Variants in CTNND2 observed in about 807,000 individuals in gnomAD.
CTNND2 encodes catenin delta 2, also known as catenin delta-2.
CTNND2 carries 22 observed loss-of-function variants against 144.4 expected under a neutral mutation model. That is an observed-to-expected ratio of 0.15 (90% CI 0.11 to 0.22). The LOEUF is 0.22. CTNND2 is among the 10% of genes least tolerant of loss of function. The pLI is 1.00. For missense variants in CTNND2, 1,353 were observed against 1,618.8 expected (o/e 0.84, Z 2.82); for synonymous variants, 751 against 695.6 (o/e 1.08, Z -1.25).
intron 2 of CTNND2, among the ~76,000 whole-genome samples, chr5:11,728,105 A>C (rs1326072202): frequency 6.6e-6 from 1 of 152,188 alleles, no homozygotes; most frequent in African/African-American, 2.4e-5. Context: ...AATCTTTTTA[A>C]ATTCTTCCTT....
chr5:11,564,950 C>T lies in CTNND2; in HGVS notation c.281G>A (p.Ser94Asn), dbSNP rs745631758. Residue 94 changes from serine (S) to asparagine (N), a missense_variant, in exon 3 of 22, where the codon AGC becomes AAC. Coordinates refer to ENST00000304623, the MANE Select transcript of CTNND2 (RefSeq NM_001332.4). The stretch of plus-strand genomic sequence containing the variant: ...AACAGAGCGGCGCTAGTACCTCATG[C>T]TGCTCATGCTGCCAGTCTCGGATCC... ...KLGSETGSMS[S>N]MSSAEEQFQW... 6.2e-6 allele frequency: 10 copies of T among 1,612,508 alleles called. No individual in the cohort carries two copies. In the Middle Eastern group the frequency reaches 6.6e-4, roughly 106 times the overall value.
At position 11,840,068 on chromosome 5, in the gene CTNND2, A is replaced by C. The variant is rs551631078; in HGVS notation, c.37+63749T>G. On this transcript the variant is annotated intron_variant, in intron 1 of 21. Coordinates refer to ENST00000304623, the MANE Select transcript of CTNND2 (RefSeq NM_001332.4). ...AAAATCTTTTTTCATTCTTAAAAAA[A>C]TTATAAAAGCTACTGCAATATATTC... is the stretch of plus-strand genomic sequence containing the variant. 5.5e-4 allele frequency among the ~76,000 whole-genome samples: 84 copies of C among 152,320 alleles called. 1 individual carries two copies. The highest frequency in any genetic ancestry group is 2.0e-3 in the African/African-American group (82 of 41,586).
intron 16 of CTNND2, among the ~76,000 whole-genome samples, chr5:11,045,403 C>T (rs1021623261): frequency 9.2e-5 from 14 of 152,122 alleles, no homozygotes; most frequent in African/African-American, 3.1e-4. Context: ...CTGTTTATAA[C>T]AATCAGATCT....
At chr5:11,874,728 T>C (rs1276154751) in intron 1 of CTNND2, among the ~76,000 whole-genome samples, 1 of 152,200 alleles carries the variant, frequency 6.6e-6, no homozygotes, top group Non-Finnish European at 1.5e-5. Context: ...TTTGTGTAAT[T>C]TTCTATTTAA....
At chr5:11,728,490 A>G (rs1048043719) in intron 2 of CTNND2, among the ~76,000 whole-genome samples, 1 of 152,084 alleles carries the variant, frequency 6.6e-6, no homozygotes, top group African/African-American at 2.4e-5. Flanking sequence ...AAACAAAACA[A>G]AACAAACCCA....
intron 1 of CTNND2, among the ~76,000 whole-genome samples, chr5:11,736,044 G>A (rs975533892): frequency 6.6e-6 from 1 of 152,000 alleles, no homozygotes; most frequent in African/African-American, 2.4e-5. Flanking sequence ...ATTGTTTAAG[G>A]GCCCAAAGTT....
intron 1 of CTNND2, among the ~76,000 whole-genome samples, chr5:11,887,606 G>C (rs1190258718): frequency 6.6e-6 from 1 of 151,868 alleles, no homozygotes; most frequent in African/African-American, 2.4e-5. Context: ...TCTTAGATTA[G>C]TATGGCACAT....
intron 3 of CTNND2, among the ~76,000 whole-genome samples, chr5:11,518,296 T>C (rs941500586): frequency 4.7e-4 from 44 of 93,280 alleles, no homozygotes; most frequent in Non-Finnish European, 9.1e-4. Context: ...AAAAAGCTTA[T>C]AGAATAATGA....
At chr5:11,107,916 G>A (rs1752581425) in intron 14 of CTNND2, among the ~76,000 whole-genome samples, 1 of 152,138 alleles carries the variant, frequency 6.6e-6, no homozygotes, top group Non-Finnish European at 1.5e-5. Flanking sequence ...AGAGCTAGGG[G>A]CCACCATAGG....
chr5:11,391,996 A>G (rs1440517522), intron 6 of CTNND2, among the ~76,000 whole-genome samples: 1 of 152,240 alleles, frequency 6.6e-6, no homozygotes, highest in African/African-American at 2.4e-5. Flanking sequence ...CCTGGAAATA[A>G]TAACAGAAAC....
At chr5:11,182,158 T>TGTGTGGTGTGAGTGGGC (rs1449420086) in intron 11 of CTNND2, among the ~76,000 whole-genome samples, 1 of 137,470 alleles carries the variant, frequency 7.3e-6, no homozygotes, top group African/African-American at 2.7e-5. Flanking sequence ...ATGGGGTGTG[T>TGTGTGGTGTGAGTGGGC]GTGTGGTGTG....
intron 16 of CTNND2, among the ~76,000 whole-genome samples, chr5:11,051,579 T>C (rs534196722): frequency 1.3e-5 from 2 of 152,386 alleles, no homozygotes; most frequent in East Asian, 1.9e-4. Flanking sequence ...ATGTAAGATA[T>C]GAAAATTCAT....
At chr5:11,841,954 C>A (rs1371369043) in intron 1 of CTNND2, among the ~76,000 whole-genome samples, 1 of 151,910 alleles carries the variant, frequency 6.6e-6, no homozygotes, top group African/African-American at 2.4e-5. Context: ...CTGCTCTCTT[C>A]TTTTTAATCT....
At chr5:11,739,720 G>A (rs986507460) in intron 1 of CTNND2, among the ~76,000 whole-genome samples, 20 of 152,092 alleles carry the variant, frequency 1.3e-4, no homozygotes, top group African/African-American at 3.9e-4. Context: ...AAGAAATAAC[G>A]GGTATTCAAT....
chr5:11,385,305 C>T lies in CTNND2; in HGVS notation c.613-76G>A, dbSNP rs561314448. The T allele has an allele frequency of 6.0e-4, 595 of 988,098 alleles. 6 individuals are homozygous for T. The South Asian group carries it at 0.024, about 40-fold the overall frequency. The allele number at this position is 988,098 out of a possible 1,614,324, so 61.2% of individuals were successfully genotyped here. The stretch of plus-strand genomic sequence containing the variant: ...CGGCCCACCCGGCCCAGCCCGGCCC[C>T]GAGAGCAGAGGCACACCGGGGATGC... On this transcript the variant is annotated intron_variant, in intron 6 of 21. Coordinates refer to ENST00000304623, the MANE Select transcript of CTNND2 (RefSeq NM_001332.4).
Position 11,236,818 on chromosome 5 carries a change from A to G in CTNND2, c.1634T>C (p.Phe545Ser). ...IDSIQKDPRE[F>S]GWRDPELPEV... ...CGGCAGTTCCGGGTCTCTCCATCCA[A>G]ATTCTCTGAACAAAAGGAAAGAAGC... is the stretch of plus-strand genomic sequence containing the variant. The change falls in exon 10 of 22, where the codon TTT becomes TCT. Residue 545 changes from phenylalanine to serine, a missense_variant. Phe to Ser is a radical substitution (Grantham distance 155). Transcript: ENST00000304623. 1 of 1,614,112 alleles carries G rather than the reference A, an allele frequency of 6.2e-7. No homozygotes were observed. The highest frequency in any genetic ancestry group is 2.2e-5 in the East Asian group (1 of 44,880).
chr5:11,623,800 GTGTGTATGTATATATATATATATATA>G (rs1316785704), intron 2 of CTNND2, among the ~76,000 whole-genome samples: 25 of 85,670 alleles, frequency 2.9e-4, no homozygotes, highest in African/African-American at 5.3e-4. Flanking sequence ...ATATATATAT[GTGTGTATGTATATATATATATATATA>G]TATATATATA....
At position 11,216,115 on chromosome 5, in the gene CTNND2, G is replaced by A. The variant is rs143701528; in HGVS notation, c.1762-16454C>T. ...GAAGGAAGATAGCTCCACAGAGCAG[G>A]ATGTAATGTGGCATCCTGCAGGCAG... On this transcript the variant is annotated intron_variant, in intron 10 of 21. Transcript: ENST00000304623. Among the ~76,000 whole-genome samples, 7 of 152,288 alleles carry A rather than the reference G, an allele frequency of 4.6e-5. No homozygotes were observed. In the East Asian group the frequency reaches 1.4e-3, roughly 29 times the overall value.
chr5:11,195,912 A>G (rs1736814462), intron 11 of CTNND2, among the ~76,000 whole-genome samples: 1 of 152,224 alleles, frequency 6.6e-6, no homozygotes, highest in Non-Finnish European at 1.5e-5. Context: ...TAAAATTATC[A>G]TCATCATCTC....
Sources: allele counts gnomAD v4.1 joint callset (sites outside exome capture counted in the v4.1 genomes callset), GRCh38; gene constraint gnomAD v4.1.1; transcripts MANE v1.5; gene names NCBI Gene and HGNC (gene_info 2026-07-23, HGNC 2026-07-21).